Variants in MCL1 observed in about 807,000 individuals in gnomAD.
MCL1 encodes the protein MCL1 apoptosis regulator, BCL2 family member, also known as induced myeloid leukemia cell differentiation protein Mcl-1.
MCL1 carries 4 observed loss-of-function variants against 24.2 expected under a neutral mutation model. That is an observed-to-expected ratio of 0.17 (90% CI 0.08 to 0.38). MCL1 has a LOEUF of 0.38. Among genes scored for constraint, MCL1 ranks in the 10% least tolerant of loss-of-function variants. The pLI, the probability that MCL1 is intolerant of heterozygous loss-of-function variation, is 1.00. For synonymous variants in MCL1, 248 were observed against 214.0 expected (o/e 1.16, Z -1.39); for missense variants, 529 against 480.3 (o/e 1.10, Z -0.95).
At position 150,575,999 on chromosome 1, in the gene MCL1, CTAGGCTTAGACCTGTGTG is replaced by C. The variant is rs1191367337; in HGVS notation, c.*1358_*1375del. 1.4e-4 allele frequency: 33 copies of C among 233,564 alleles called. No homozygotes were observed. The highest frequency in any genetic ancestry group is 2.5e-4 in the Non-Finnish European group (30 of 118,044). 14.5% of individuals were successfully genotyped at this position (233,564 alleles called of 1,614,324 possible). On this transcript the variant is annotated 3_prime_UTR_variant, in exon 3 of 3. Coordinates refer to ENST00000369026, the MANE Select transcript of MCL1 (RefSeq NM_021960.5). The stretch of plus-strand genomic sequence containing the variant: ...AGTAAGTATTTGCTTTATTGACATA[CTAGGCTTAGACCTGTGTG>C]TGTAACAAGCAAGCCTAATAATAGC...
Position 150,579,495 on chromosome 1 carries a change from G to A in MCL1, c.36C>T (p.Leu12=), listed in dbSNP as rs746550694. The change falls in exon 1 of 3, where the codon CTC becomes CTT. Residue 12 remains leucine (L), a synonymous_variant. Transcript: ENST00000369026. ...AGCCGGCCCCCCCACAGTAGAGGTT[G>A]AGTCCGATTACCGCGTTTCTTTTGA... ...FGLKRNAVIG[L]NLYCGGAGLG... 2 of 1,600,550 alleles carry A rather than the reference G, an allele frequency of 1.2e-6. No homozygotes were observed. Among genetic ancestry groups the A allele is most frequent in the Non-Finnish European group, 1.7e-6 (2 of 1,174,592 alleles).
At position 150,576,972 on chromosome 1, in the gene MCL1, T is replaced by C. The variant is rs1647834841; in HGVS notation, c.*403A>G. 3.7e-6 allele frequency: 1 copy of C among 267,834 alleles called. No homozygotes were observed. Among genetic ancestry groups the C allele is most frequent in the East Asian group, 5.5e-5 (1 of 18,050 alleles). The allele number at this position is 267,834 out of a possible 1,614,324, so 16.6% of individuals were successfully genotyped here. On this transcript the variant is annotated 3_prime_UTR_variant, in exon 3 of 3. Transcript: ENST00000369026. ...CTTTTACACAGGTCACTGGCATTCT[T>C]AGTGCTTCTCTTAACACTACAGTAA...
At position 150,575,932 on chromosome 1, in the gene MCL1, AAACTTGC is replaced by A. The variant is rs2101690478; in HGVS notation, c.*1436_*1442del. On this transcript the variant is annotated 3_prime_UTR_variant, in exon 3 of 3. Transcript: ENST00000369026. ...CTGAAATCCAAAGATGCCAATGCAAAAACTTGCAACAAGGTTTGGGAATCATTAATAG... is the reference window on the plus strand; with the variant it reads ...CTGAAATCCAAAGATGCCAATGCAAAAACAAGGTTTGGGAATCATTAATAG... 8.6e-6 allele frequency: 2 copies of A among 233,730 alleles called. No individual in the cohort carries two copies. The highest frequency in any genetic ancestry group is 1.8e-4 in the South Asian group (1 of 5,526). 14.5% of individuals were successfully genotyped at this position (233,730 alleles called of 1,614,324 possible).
At chr1:150,577,710 G>C (rs942573573) in intron 2 of MCL1, among the ~76,000 whole-genome samples, 2 of 152,114 alleles carry the variant, frequency 1.3e-5, no homozygotes, top group Non-Finnish European at 1.5e-5. Context: ...GTACTATCTT[G>C]GTCTTATTAG....
intron 1 of MCL1, 76 bp downstream of exon 1, chr1:150,578,767 C>T: frequency 1.3e-6 from 2 of 1,502,460 alleles, no homozygotes; most frequent in Admixed American, 4.1e-5. Context: ...CGGTTTCCAA[C>T]CCACCCTTGG....
At position 150,577,504 on chromosome 1, in the gene MCL1, A is replaced by C. The variant is rs761030614; in HGVS notation, c.937-13T>G. ...CCACAAACCCATCCTAGAAAACAAA[A>C]AAGAAAAGCACATTTTCAAGTATGG... On this transcript the variant is annotated splice_polypyrimidine_tract_variant and intron_variant, in intron 2 of 2. Coordinates refer to ENST00000369026, the MANE Select transcript of MCL1 (RefSeq NM_021960.5). 6.3e-6 allele frequency: 10 copies of C among 1,594,752 alleles called. No individual in the cohort carries two copies. In the East Asian group the frequency reaches 2.2e-4, roughly 36 times the overall value.
chr1:150,578,453 C>T lies in MCL1; in HGVS notation c.727G>A (p.Val243Met), dbSNP rs760136148. 2 of 1,614,194 alleles carry T rather than the reference C, an allele frequency of 1.2e-6. No homozygotes were observed. The highest frequency in any genetic ancestry group is 1.7e-6 in the Non-Finnish European group (2 of 1,180,016). Residue 243 changes from valine to methionine, a missense_variant, in exon 2 of 3, where the codon GTG becomes ATG. By Grantham distance (21) the Val-to-Met change is conservative. Coordinates refer to ENST00000369026, the MANE Select transcript of MCL1 (RefSeq NM_021960.5). ...ATCATCACTCGAGACAACGATTTCA[C>T]ATCGTCTTCGTTTTTGATGTCCAGT... Reference protein sequence around the residue: ...RKLDIKNEDDVKSLSRVMIHV... With the variant: ...RKLDIKNEDDMKSLSRVMIHV...
rs765748193 is a variant in MCL1, at chr1:150,578,969, C to T, written c.562G>A (p.Glu188Lys). Residue 188 changes from glutamate (E) to lysine (K), a missense_variant, in exon 1 of 3, where the codon GAG becomes AAG. By Grantham distance (56) the Glu-to-Lys change is moderately conservative. Transcript: ENST00000369026. ...SLEIISRYLREQATGAKDTKP... is the reference protein window; with the variant it reads ...SLEIISRYLRKQATGAKDTKP... ...GTGTCCTTGGCGCCGGTGGCCTGCT[C>T]CCGAAGGTACCGAGAGATAATCTCC... 9 of 1,613,662 alleles carry T rather than the reference C, an allele frequency of 5.6e-6. No individual in the cohort carries two copies. Among genetic ancestry groups the T allele is most frequent in the African/African-American group, 1.3e-5 (1 of 75,054 alleles).
At position 150,579,433 on chromosome 1, in the gene MCL1, C is replaced by G. The variant is rs902324572; in HGVS notation, c.98G>C (p.Gly33Ala). Residue 33 changes from glycine to alanine, a missense_variant, in exon 1 of 3, where the codon GGG (glycine) becomes GCG (alanine). By Grantham distance (60) the Gly-to-Ala change is moderately conservative. Coordinates refer to ENST00000369026, the MANE Select transcript of MCL1 (RefSeq NM_021960.5). ...CTCCTTCTCCGTAGCCAAAAGTCGCCCTCCCGGGCGGGTGGCGCCGCCGCT... is the reference window on the plus strand; with the variant it reads ...CTCCTTCTCCGTAGCCAAAAGTCGCGCTCCCGGGCGGGTGGCGCCGCCGCT... ...AGSGGATRPG[G>A]RLLATEKEAS... is the part of the protein sequence containing the mutation. 1 of 1,586,258 alleles carries G rather than the reference C, an allele frequency of 6.3e-7. No individual in the cohort carries two copies. Among genetic ancestry groups the G allele is most frequent in the Non-Finnish European group, 8.6e-7 (1 of 1,168,892 alleles).
At chr1:150,578,181 C>G in intron 2 of MCL1, 63 bp downstream of exon 2, 2 of 1,561,126 alleles carry the variant, frequency 1.3e-6, no homozygotes. Flanking sequence ...CCCCACCTCT[C>G]TAAAAAAAAT....
chr1:150,577,162 C>T lies in MCL1; in HGVS notation c.*213G>A. On this transcript the variant is annotated 3_prime_UTR_variant, in exon 3 of 3. Coordinates refer to ENST00000369026, the MANE Select transcript of MCL1 (RefSeq NM_021960.5). ...AAGTTTGTTTGTTGCTGAAACTGAA[C>T]TTTGCTTCTTTCAGACAGTGACTCT... is the stretch of plus-strand genomic sequence containing the variant. 1 of 528,806 alleles carries T rather than the reference C, an allele frequency of 1.9e-6. No homozygotes were observed. The highest frequency in any genetic ancestry group is 3.2e-6 in the Non-Finnish European group (1 of 308,158). The allele number at this position is 528,806 out of a possible 1,614,324, so 32.8% of individuals were successfully genotyped here. A position where few individuals can be genotyped will look rare whatever the true frequency, so the allele number is the denominator to read the frequency against.
Position 150,579,572 on chromosome 1 carries a change from A to G in MCL1, c.-42T>C, listed in dbSNP as rs1254613242. The G allele has an allele frequency of 6.4e-7, 1 of 1,559,042 alleles. No homozygotes were observed. Among genetic ancestry groups the G allele is most frequent in the Admixed American group, 1.9e-5 (1 of 53,542 alleles). ...CGCCTGGCTGAGAAAACTGGGGAAG[A>G]CCCCGACTCCTTACTGGAAGGAAGC... On this transcript the variant is annotated 5_prime_UTR_variant, in exon 1 of 3. Transcript: ENST00000369026.
At position 150,578,947 on chromosome 1, in the gene MCL1, T is replaced by G; in HGVS notation, c.584A>C (p.Asp195Ala). Residue 195 changes from aspartate to alanine, a missense_variant, in exon 1 of 3, where the codon GAC becomes GCC. Asp to Ala is a moderately radical substitution (Grantham distance 126). Transcript: ENST00000369026. ...YLREQATGAK[D>A]TKPMGRSGAT... ...CCCAGACCTGCCCATTGGCTTTGTGTCCTTGGCGCCGGTGGCCTGCTCCCG... is the reference window on the plus strand; with the variant it reads ...CCCAGACCTGCCCATTGGCTTTGTGGCCTTGGCGCCGGTGGCCTGCTCCCG... The G allele has an allele frequency of 6.2e-7, 1 of 1,613,762 alleles. No individual in the cohort carries two copies. The highest frequency in any genetic ancestry group is 8.5e-7 in the Non-Finnish European group (1 of 1,180,032).
chr1:150,579,576 C>A lies in MCL1; in HGVS notation c.-46G>T. ...TGGCTGAGAAAACTGGGGAAGACCCCGACTCCTTACTGGAAGGAAGCGGAA... is the reference window on the plus strand; with the variant it reads ...TGGCTGAGAAAACTGGGGAAGACCCAGACTCCTTACTGGAAGGAAGCGGAA... On this transcript the variant is annotated 5_prime_UTR_variant, in exon 1 of 3. Transcript: ENST00000369026. 1.3e-6 allele frequency: 2 copies of A among 1,550,432 alleles called. No homozygotes were observed. The highest frequency in any genetic ancestry group is 1.7e-6 in the Non-Finnish European group (2 of 1,145,566).
chr1:150,576,710 C>CT lies in MCL1; in HGVS notation c.*664dup, dbSNP rs1415974691. 1 of 232,298 alleles carries CT rather than the reference C, an allele frequency of 4.3e-6. No homozygotes were observed. The highest frequency in any genetic ancestry group is 8.5e-6 in the Non-Finnish European group (1 of 117,464). The allele number at this position is 232,298 out of a possible 1,614,324, so 14.4% of individuals were successfully genotyped here. On this transcript the variant is annotated 3_prime_UTR_variant, in exon 3 of 3. Transcript: ENST00000369026. ...TTTTACAAATACATTTACAAGCTGT[C>CT]TTAAGAATTGAGGATATCCATATTC...
In MCL1 at chr1:150,578,273, G is replaced by C. The variant is rs2101695543; in HGVS notation, c.907C>G (p.Arg303Gly). 1 of 1,614,058 alleles carries C rather than the reference G, an allele frequency of 6.2e-7. No individual in the cohort carries two copies. ...CCTCTTTGTTTAACTAGCCAGTCCC[G>C]TTTTGTCCTTACGAGAACGTCTGTG... ...SITDVLVRTK[R>G]DWLVKQRGWD... Residue 303 changes from arginine (R) to glycine (G), a missense_variant, in exon 2 of 3, where the codon CGG becomes GGG. By Grantham distance (125) the Arg-to-Gly change is moderately radical. Coordinates refer to ENST00000369026, the MANE Select transcript of MCL1 (RefSeq NM_021960.5).
At chr1:150,578,579 C>G in intron 1 of MCL1, 88 bp from the exon 2 acceptor site, 1 of 1,524,680 alleles carries the variant, frequency 6.6e-7, no homozygotes, top group Admixed American at 1.8e-5. Context: ...GGGAAAATCG[C>G]TACTGGGATT....
At position 150,577,231 on chromosome 1, in the gene MCL1, G is replaced by T; in HGVS notation, c.*144C>A. 1.0e-6 allele frequency: 1 copy of T among 991,732 alleles called. No individual in the cohort carries two copies. Among genetic ancestry groups the T allele is most frequent in the Non-Finnish European group, 1.5e-6 (1 of 672,948 alleles). The allele number at this position is 991,732 out of a possible 1,614,324, so 61.4% of individuals were successfully genotyped here. ...TCTTCCCATGTATTTATTCTTGTTAGCCATAATCCTCTTGCCACTTGCTTT... is the reference window on the plus strand; with the variant it reads ...TCTTCCCATGTATTTATTCTTGTTATCCATAATCCTCTTGCCACTTGCTTT... On this transcript the variant is annotated 3_prime_UTR_variant, in exon 3 of 3. Transcript: ENST00000369026.
At position 150,579,053 on chromosome 1, in the gene MCL1, G is replaced by C. The variant is rs587756150; in HGVS notation, c.478C>G (p.Leu160Val). 3.3e-5 allele frequency: 54 copies of C among 1,613,302 alleles called. 1 individual carries two copies. In the South Asian group the frequency reaches 5.8e-4, roughly 17 times the overall value. The change falls in exon 1 of 3, where the codon CTA becomes GTA. Residue 160 changes from leucine (L) to valine (V), a missense_variant. By Grantham distance (32) the Leu-to-Val change is conservative. Transcript: ENST00000369026. The stretch of plus-strand genomic sequence containing the variant: ...TCTGCTGGCGGCGGCGTCGAGGGTA[G>C]TGACCCGTCCGTACTGGTGTTATTA... ...SGNNTSTDGS[L>V]PSTPPPAEEE...
Sources: allele counts gnomAD v4.1 joint callset (sites outside exome capture counted in the v4.1 genomes callset), GRCh38; gene constraint gnomAD v4.1.1; transcripts MANE v1.5; gene names NCBI Gene and HGNC (gene_info 2026-07-23, HGNC 2026-07-21).